Variants in PAK5 observed in about 807,000 individuals in gnomAD.
The protein encoded by PAK5 is serine/threonine-protein kinase PAK 5.
A neutral mutation model predicts 65.9 loss-of-function variants in PAK5; 16 were observed. That is an observed-to-expected ratio of 0.24 (90% CI 0.16 to 0.37). The LOEUF is 0.37. Among genes scored for constraint, PAK5 ranks in the 10% least tolerant of loss-of-function variants. PAK5 has a pLI of 1.00. For synonymous variants in PAK5, 371 were observed against 354.9 expected, an observed-to-expected ratio of 1.05 and a Z score of -0.51; for missense variants, 785 against 903.9, an observed-to-expected ratio of 0.87 and a Z score of 1.69.
At chr20:9,641,645 T>C (rs777362208) in intron 3 of PAK5, among the ~76,000 whole-genome samples, 16 of 151,918 alleles carry the variant, frequency 1.1e-4, no homozygotes, top group South Asian at 8.4e-4. Flanking sequence ...CAGGGGGTGG[T>C]GCTCGTCAGG....
chr20:9,819,112 T>C (rs775803332), intron 1 of PAK5, among the ~76,000 whole-genome samples: 2 of 152,326 alleles, frequency 1.3e-5, no homozygotes, highest in Non-Finnish European at 1.5e-5. Context: ...CATGTTACCT[T>C]GTAATGACAA....
chr20:9,724,477 G>A (rs1319427555), intron 1 of PAK5, among the ~76,000 whole-genome samples: 2 of 152,148 alleles, frequency 1.3e-5, no homozygotes, highest in Admixed American at 6.5e-5. Context: ...ATGGGCTTGG[G>A]AAAAGCCCTA....
At chr20:9,645,707 C>T (rs2047125308) in intron 2 of PAK5, among the ~76,000 whole-genome samples, 1 of 152,122 alleles carries the variant, frequency 6.6e-6, no homozygotes, top group Admixed American at 6.5e-5. Flanking sequence ...GCCTCAGCCT[C>T]CCGAGTAGCT....
chr20:9,659,250 C>G (rs2047311385), intron 2 of PAK5, among the ~76,000 whole-genome samples: 1 of 152,168 alleles, frequency 6.6e-6, no homozygotes. Context: ...CTTCAATCTT[C>G]AAGAATATAA....
chr20:9,595,946 G>A (rs941049378), intron 3 of PAK5, among the ~76,000 whole-genome samples: 1 of 151,144 alleles, frequency 6.6e-6, no homozygotes, highest in Non-Finnish European at 1.5e-5. Context: ...TTGTTCATGT[G>A]TAAGGCCTGT....
chr20:9,664,577 C>T (rs1172538409), intron 2 of PAK5, among the ~76,000 whole-genome samples: 1 of 152,142 alleles, frequency 6.6e-6, no homozygotes, highest in East Asian at 1.9e-4. Flanking sequence ...TAGCCTTTAA[C>T]CCTTAGGGAA....
intron 3 of PAK5, among the ~76,000 whole-genome samples, chr20:9,614,875 T>A (rs564008945): frequency 6.6e-6 from 1 of 152,224 alleles, no homozygotes; most frequent in African/African-American, 2.4e-5. Flanking sequence ...AGGTCATATC[T>A]ACATAACAAA....
chr20:9,698,694 A>C (rs1225138723), intron 2 of PAK5, among the ~76,000 whole-genome samples: 1 of 152,120 alleles, frequency 6.6e-6, no homozygotes, highest in Non-Finnish European at 1.5e-5. Flanking sequence ...TTTCACCCGG[A>C]GCTCAGAGAG....
At chr20:9,614,488 C>T (rs541324791) in intron 3 of PAK5, among the ~76,000 whole-genome samples, 1 of 152,120 alleles carries the variant, frequency 6.6e-6, no homozygotes, top group African/African-American at 2.4e-5. Flanking sequence ...TCAGAGAACA[C>T]CAACCACGAT....
At position 9,538,666 on chromosome 20, in the gene PAK5, T is replaced by A. The variant is rs2045208654; in HGVS notation, c.*796A>T. ...CTAGAGGCGTTCATGGAAAATGTGA[T>A]CTTTAAAAATATTTAACTTTATCCC... On this transcript the variant is annotated 3_prime_UTR_variant, in exon 10 of 10. Transcript: ENST00000353224. The A allele has an allele frequency of 4.3e-6, 1 of 233,386 alleles. No individual in the cohort carries two copies. The highest frequency in any genetic ancestry group is 6.1e-5 in the East Asian group (1 of 16,512). The allele number at this position is 233,386 out of a possible 1,614,324, so 14.5% of individuals were successfully genotyped here.
intron 3 of PAK5, among the ~76,000 whole-genome samples, chr20:9,635,870 G>A (rs1358327319): frequency 6.6e-6 from 1 of 152,190 alleles, no homozygotes; most frequent in Non-Finnish European, 1.5e-5. Flanking sequence ...ACCTGTTAAG[G>A]GAGCCAGAAA....
intron 6 of PAK5, among the ~76,000 whole-genome samples, chr20:9,561,689 AT>A (rs1373324761): frequency 6.6e-5 from 10 of 152,300 alleles, no homozygotes; most frequent in East Asian, 1.9e-4. Context: ...TCCACCAATT[AT>A]GTACCTGGAT....
intron 3 of PAK5, among the ~76,000 whole-genome samples, chr20:9,614,918 T>C (rs1026740821): frequency 9.2e-5 from 14 of 152,166 alleles, no homozygotes; most frequent in Admixed American, 4.6e-4. Context: ...TAAGTGAAGG[T>C]AAAATGAAAT....
chr20:9,623,538 A>C (rs575967556), intron 3 of PAK5, among the ~76,000 whole-genome samples: 1 of 152,230 alleles, frequency 6.6e-6, no homozygotes, highest in Non-Finnish European at 1.5e-5. Context: ...TGTCAGACTG[A>C]ATAAAGACAA....
At chr20:9,836,759 C>T (rs1979179528) in intron 1 of PAK5, among the ~76,000 whole-genome samples, 1 of 152,146 alleles carries the variant, frequency 6.6e-6, no homozygotes. Flanking sequence ...CAGTAAATAT[C>T]CATTTCCCTC....
intron 1 of PAK5, among the ~76,000 whole-genome samples, chr20:9,830,051 T>C (rs1978585880): frequency 6.6e-6 from 1 of 152,162 alleles, no homozygotes; most frequent in African/African-American, 2.4e-5. Flanking sequence ...GTCCCAGCTA[T>C]GCAGAGCAAG....
intron 1 of PAK5, among the ~76,000 whole-genome samples, chr20:9,815,569 G>A (rs553558787): frequency 9.9e-5 from 15 of 152,156 alleles, no homozygotes; most frequent in East Asian, 1.9e-4. Flanking sequence ...TCAAACTGTC[G>A]TTCAGGTATA....
chr20:9,662,261 A>T (rs1180286573), intron 2 of PAK5, among the ~76,000 whole-genome samples: 1 of 152,152 alleles, frequency 6.6e-6, no homozygotes, highest in Non-Finnish European at 1.5e-5. Context: ...GATGTTCACC[A>T]TGTTCAATCA....
intron 1 of PAK5, among the ~76,000 whole-genome samples, chr20:9,743,672 T>C (rs1393799110): frequency 6.6e-6 from 1 of 152,186 alleles, no homozygotes; most frequent in Non-Finnish European, 1.5e-5. Context: ...GACATTTCTA[T>C]GTTGGGTAGG....
Sources: allele counts gnomAD v4.1 joint callset (sites outside exome capture counted in the v4.1 genomes callset), GRCh38; gene constraint gnomAD v4.1.1; transcripts MANE v1.5; gene names NCBI Gene and HGNC (gene_info 2026-07-23, HGNC 2026-07-21).